The following VAV3 variants were observed in gnomAD, a reference collection of about 807,000 sequenced individuals.
VAV3 encodes the protein vav guanine nucleotide exchange factor 3.
In VAV3, 94 loss-of-function variants were observed where a neutral mutation model predicts 131.2. The observed-to-expected ratio is 0.72, with a 90% CI of 0.61 to 0.85. The LOEUF is 0.85. Ranked by LOEUF, VAV3 falls within the 40% of genes least tolerant of loss-of-function variation. The probability of loss-of-function intolerance (pLI) is 0.00; values close to 1 mark genes in which losing one functional copy is unlikely to be tolerated. For missense variants in VAV3, 939 were observed against 1,002.7 expected, an observed-to-expected ratio of 0.94 and a Z score of 0.86; for synonymous variants, 349 against 342.0, an observed-to-expected ratio of 1.02 and a Z score of -0.22.
intron 2 of VAV3, among the ~76,000 whole-genome samples, chr1:107,826,358 T>C (rs1055192064): frequency 6.6e-6 from 1 of 152,184 alleles, no homozygotes; most frequent in African/African-American, 2.4e-5. Context: ...ATTTCTAAGG[T>C]TGAATATTTG....
chr1:107,587,874 T>C (rs1183868402), intron 25 of VAV3, among the ~76,000 whole-genome samples: 1 of 152,222 alleles, frequency 6.6e-6, no homozygotes, highest in Non-Finnish European at 1.5e-5. Context: ...ATTACAGGCA[T>C]GAGCCACTCT....
intron 2 of VAV3, among the ~76,000 whole-genome samples, chr1:107,847,878 C>G (rs865981781): frequency 6.6e-6 from 1 of 152,114 alleles, no homozygotes; most frequent in African/African-American, 2.4e-5. Flanking sequence ...TGAAGCTATT[C>G]CAAATAATAG....
chr1:107,592,902 T>A (rs1211269688), intron 25 of VAV3, among the ~76,000 whole-genome samples: 1 of 152,136 alleles, frequency 6.6e-6, no homozygotes, highest in African/African-American at 2.4e-5. Context: ...AGGTTTGAGA[T>A]GACCATTTTG....
intron 1 of VAV3, among the ~76,000 whole-genome samples, chr1:107,884,861 T>C (rs1419715972): frequency 6.6e-6 from 1 of 152,158 alleles, no homozygotes; most frequent in East Asian, 1.9e-4. Flanking sequence ...AAAATAAGCA[T>C]TTCTTTCTGC....
At chr1:107,759,084 G>A (rs1258210049) in intron 10 of VAV3, among the ~76,000 whole-genome samples, 1 of 151,998 alleles carries the variant, frequency 6.6e-6, no homozygotes, top group African/African-American at 2.4e-5. Context: ...TACCTTACAT[G>A]TACCTATCAT....
At chr1:107,854,246 G>A (rs1251243549) in intron 2 of VAV3, among the ~76,000 whole-genome samples, 1 of 152,134 alleles carries the variant, frequency 6.6e-6, no homozygotes, top group Non-Finnish European at 1.5e-5. Flanking sequence ...GGAGGCAGAG[G>A]TTGCAGTTAG....
intron 15 of VAV3, among the ~76,000 whole-genome samples, chr1:107,747,350 G>A (rs1011764916): frequency 6.6e-6 from 1 of 151,292 alleles, no homozygotes; most frequent in African/African-American, 2.4e-5. Context: ...ATAGCCAAAC[G>A]AAACCCATAA....
chr1:107,640,033 A>G (rs532353724), intron 20 of VAV3, among the ~76,000 whole-genome samples: 36 of 152,312 alleles, frequency 2.4e-4, no homozygotes, highest in African/African-American at 7.9e-4. Flanking sequence ...AACATGGTAT[A>G]GGCACTTTGA....
In VAV3 at chr1:107,704,966, A is replaced by AGCAG; in HGVS notation, c.1597_1598insCTGC (p.Leu533ProfsTer15). 1 of 1,613,728 alleles carries AGCAG rather than the reference A, an allele frequency of 6.2e-7. No homozygotes were observed. Among genetic ancestry groups the AGCAG allele is most frequent in the Non-Finnish European group, 8.5e-7 (1 of 1,179,780 alleles). On this transcript the variant is annotated frameshift_variant, in exon 16 of 27. Transcript: ENST00000370056. LOFTEE classifies it high-confidence loss of function. Reference sequence around the variant, plus strand: ...CAGGACTGAGCAGGCTTACCTCAGGAGCATCTGGCAGACTTTGCAGGATGT... The same window carrying AGCAG: ...CAGGACTGAGCAGGCTTACCTCAGGAGCAGGCATCTGGCAGACTTTGCAGGATGT...
chr1:107,820,407 A>G (rs1458717272), intron 2 of VAV3, among the ~76,000 whole-genome samples: 4 of 152,172 alleles, frequency 2.6e-5, no homozygotes, highest in Admixed American at 1.3e-4. Context: ...GGAGCTAAAA[A>G]TTAAAACTAT....
At chr1:107,798,144 T>A (rs1026269498) in intron 2 of VAV3, among the ~76,000 whole-genome samples, 6 of 152,228 alleles carry the variant, frequency 3.9e-5, no homozygotes, top group Non-Finnish European at 8.8e-5. Flanking sequence ...TGTAGTCTTG[T>A]GGAATGAACA....
At chr1:107,581,806 A>G (rs1650074438) in intron 25 of VAV3, among the ~76,000 whole-genome samples, 1 of 152,210 alleles carries the variant, frequency 6.6e-6, no homozygotes, top group African/African-American at 2.4e-5. Context: ...ATGAAAATTT[A>G]CTCAGTTTTC....
chr1:107,606,136 C>T (rs1435840788), intron 22 of VAV3, among the ~76,000 whole-genome samples: 2 of 152,138 alleles, frequency 1.3e-5, no homozygotes, highest in Non-Finnish European at 2.9e-5. Context: ...CAGGATGTAA[C>T]ACTCTAAAGT....
intron 2 of VAV3, among the ~76,000 whole-genome samples, chr1:107,866,935 A>T (rs1369423778): frequency 6.6e-6 from 1 of 152,112 alleles, no homozygotes; most frequent in African/African-American, 2.4e-5. Context: ...AGGAAAAAAA[A>T]AAGTACTTCA....
intron 19 of VAV3, among the ~76,000 whole-genome samples, chr1:107,668,333 G>T (rs1489383387): frequency 6.6e-6 from 1 of 152,180 alleles, no homozygotes; most frequent in Non-Finnish European, 1.5e-5. Context: ...ATATATGGAA[G>T]TTTTATAAGG....
intron 2 of VAV3, among the ~76,000 whole-genome samples, chr1:107,787,820 C>T (rs1666094203): frequency 2.0e-5 from 3 of 152,128 alleles, no homozygotes; most frequent in African/African-American, 4.8e-5. Context: ...CTGCACTTGC[C>T]TCATTAGGCA....
At chr1:107,613,379 T>G (rs1652901936) in intron 21 of VAV3, among the ~76,000 whole-genome samples, 1 of 152,118 alleles carries the variant, frequency 6.6e-6, no homozygotes, top group South Asian at 2.1e-4. Context: ...CACTCCATTT[T>G]CTGTTTTATT....
intron 2 of VAV3, among the ~76,000 whole-genome samples, chr1:107,844,227 C>T (rs1668856844): frequency 6.6e-6 from 1 of 151,916 alleles, no homozygotes; most frequent in South Asian, 2.1e-4. Context: ...TCAGGGAACT[C>T]CCTCCCCTAG....
intron 2 of VAV3, among the ~76,000 whole-genome samples, chr1:107,814,022 A>AC (rs1479014036): frequency 2.2e-5 from 3 of 134,122 alleles, no homozygotes; most frequent in Non-Finnish European, 5.0e-5. Context: ...GTGTATACAC[A>AC]CCATGTTTTC....
Sources: allele counts gnomAD v4.1 joint callset (sites outside exome capture counted in the v4.1 genomes callset), GRCh38; gene constraint gnomAD v4.1.1; transcripts MANE v1.5; gene names NCBI Gene and HGNC (gene_info 2026-07-23, HGNC 2026-07-21).